Variants in HERC1 observed in about 807,000 individuals in gnomAD.
HERC1 encodes HECT and RLD domain containing E3 ubiquitin protein ligase family member 1.
HERC1 carries 160 observed loss-of-function variants against 554.3 expected under a neutral mutation model. The ratio of observed to expected loss-of-function variants is 0.29; its 90% CI spans 0.25 to 0.33. HERC1 has a LOEUF of 0.33. HERC1 is among the 10% of genes least tolerant of loss of function. The pLI is 1.00. For synonymous variants in HERC1, 2,175 were observed against 2,131.7 expected, an observed-to-expected ratio of 1.02 and a Z score of -0.56; for missense variants, 4,919 against 5,918.5, an observed-to-expected ratio of 0.83 and a Z score of 5.54.
intron 65 of HERC1, 31 bp downstream of exon 65, chr15:63,635,930 G>T: frequency 6.2e-7 from 1 of 1,606,518 alleles, no homozygotes; most frequent in African/African-American, 1.3e-5. Context: ...TATTTACAAT[G>T]AAAGGCAAAC....
At chr15:63,816,830 A>T (rs1352456509) in intron 1 of HERC1, among the ~76,000 whole-genome samples, 4 of 152,276 alleles carry the variant, frequency 2.6e-5, no homozygotes, top group Non-Finnish European at 5.9e-5. Context: ...AAGGAATAAT[A>T]GAATTTCACA....
intron 2 of HERC1, among the ~76,000 whole-genome samples, chr15:63,773,981 G>C (rs1038956948): frequency 1.3e-5 from 2 of 152,212 alleles, no homozygotes; most frequent in African/African-American, 2.4e-5. Flanking sequence ...GGTTATGATA[G>C]TCAAATAATT....
intron 12 of HERC1, among the ~76,000 whole-genome samples, chr15:63,737,660 G>A (rs186310989): frequency 1.0e-4 from 15 of 150,288 alleles, no homozygotes; most frequent in Admixed American, 6.0e-4. Flanking sequence ...GATTACAGGC[G>A]TGAGCCACTG....
chr15:63,731,818 G>C (rs1200121486), intron 14 of HERC1, among the ~76,000 whole-genome samples: 1 of 152,190 alleles, frequency 6.6e-6, no homozygotes, highest in Non-Finnish European at 1.5e-5. Flanking sequence ...GAGATGTGTA[G>C]CTATATGCAT....
chr15:63,645,112 T>C lies in HERC1; in HGVS notation c.11079-15A>G. 1 of 1,605,970 alleles carries C rather than the reference T, an allele frequency of 6.2e-7. No individual in the cohort carries two copies. ...TCTGACAGCCACTTAAAAAAATTGA[T>C]CACATAAAACCAAAACATGTCAATA... On this transcript the variant is annotated splice_polypyrimidine_tract_variant and intron_variant, in intron 56 of 77. Transcript: ENST00000443617.
At chr15:63,747,122 A>G in intron 11 of HERC1, 39 bp from the exon 12 acceptor site, 3 of 1,561,454 alleles carry the variant, frequency 1.9e-6, no homozygotes, top group Non-Finnish European at 2.6e-6. Context: ...TCGGATCATA[A>G]AAGTGCCTGT....
intron 74 of HERC1, among the ~76,000 whole-genome samples, chr15:63,620,788 T>TC (rs2068041886): frequency 1.3e-5 from 2 of 152,142 alleles, no homozygotes; most frequent in Non-Finnish European, 2.9e-5. Context: ...TGGTTTAAAG[T>TC]TGTTTTATCA....
At chr15:63,670,276 T>C (rs559167224) in intron 39 of HERC1, among the ~76,000 whole-genome samples, 1 of 152,248 alleles carries the variant, frequency 6.6e-6, no homozygotes, top group Admixed American at 6.5e-5. Flanking sequence ...CCTTCTCCGA[T>C]GAGAATGTGG....
At position 63,612,310 on chromosome 15, in the gene HERC1, G is replaced by A; in HGVS notation, c.14341C>T (p.Arg4781Ter). The change falls in exon 77 of 78, where the codon CGA becomes TGA. Residue 4781 changes from arginine to a stop codon, truncating the protein, a stop_gained. Transcript: ENST00000443617. LOFTEE classifies it high-confidence loss of function. The surrounding 1 kb of genome is among the most constrained non-coding windows in gnomAD (Gnocchi z 5.0). ...LFMRFVSGRS[R>*]LPANTADISQ... ...ATGTCAGCAGTGTTGGCTGGTAGTC[G>A]AGATCTTCCTGACACAAACCTCATG... 2 of 1,613,738 alleles carry A rather than the reference G, an allele frequency of 1.2e-6. No homozygotes were observed. Among genetic ancestry groups the A allele is most frequent in the Non-Finnish European group, 1.7e-6 (2 of 1,179,688 alleles).
chr15:63,806,123 T>TC (rs1413443944), intron 1 of HERC1, among the ~76,000 whole-genome samples: 1 of 151,832 alleles, frequency 6.6e-6, no homozygotes. Context: ...TACAGATACC[T>TC]CCCAAATCAC....
At chr15:63,821,726 C>CAAAAAAAAAAAAAAAAAA (rs35074987) in intron 1 of HERC1, among the ~76,000 whole-genome samples, 5 of 62,470 alleles carry the variant, frequency 8.0e-5, no homozygotes, top group African/African-American at 2.1e-4. Flanking sequence ...TACCCTGTCT[C>CAAAAAAAAAAAAAAAAAA]AAAAAAAAAA....
chr15:63,772,000 T>TA (rs2075970282), intron 2 of HERC1, among the ~76,000 whole-genome samples: 1 of 152,036 alleles, frequency 6.6e-6, no homozygotes, highest in Non-Finnish European at 1.5e-5. Context: ...CAGGTGCCTG[T>TA]AGTCCCAGTT....
chr15:63,742,170 T>C (rs2074838245), intron 12 of HERC1, among the ~76,000 whole-genome samples: 1 of 152,242 alleles, frequency 6.6e-6, no homozygotes. Context: ...TTCAATAATG[T>C]TTTGTTCCTT....
chr15:63,735,383 G>A (rs555581845), intron 12 of HERC1, among the ~76,000 whole-genome samples: 45 of 124,666 alleles, frequency 3.6e-4, no homozygotes, highest in East Asian at 5.7e-4. Context: ...ATCACACACC[G>A]GGGCCTGTTG....
chr15:63,697,187 A>AT lies in HERC1; in HGVS notation c.4906-849dup, dbSNP rs564713627. On this transcript the variant is annotated intron_variant, in intron 26 of 77. Coordinates refer to ENST00000443617, the MANE Select transcript of HERC1 (RefSeq NM_003922.4). ...CATAATGTTCATTTCCTTTTCCAGGATTTAATCCTAGATACCACATTGCAT... is the reference window on the plus strand; with the variant it reads ...CATAATGTTCATTTCCTTTTCCAGGATTTTAATCCTAGATACCACATTGCAT... Among the ~76,000 whole-genome samples the AT allele has an allele frequency of 3.6e-3, 552 of 152,218 alleles. 5 individuals are homozygous for AT. Among genetic ancestry groups the AT allele is most frequent in the Non-Finnish European group, 3.5e-3 (237 of 68,012 alleles).
At chr15:63,618,315 A>G (rs1832007774) in intron 74 of HERC1, among the ~76,000 whole-genome samples, 1 of 152,050 alleles carries the variant, frequency 6.6e-6, no homozygotes, top group Non-Finnish European at 1.5e-5. Flanking sequence ...ATAGTTGTAG[A>G]TATGCGGCAT....
At position 63,677,764 on chromosome 15, in the gene HERC1, T is replaced by C; in HGVS notation, c.7070+81A>G. On this transcript the variant is annotated intron_variant, in intron 37 of 77. Transcript: ENST00000443617. The surrounding 1 kb of genome is among the most constrained non-coding windows in gnomAD (Gnocchi z 4.4). ...TAACTGGCAGCTCACCTAAAATACA[T>C]AATTACTCACTGTCGACAGGCAATG... 6.6e-7 allele frequency: 1 copy of C among 1,524,150 alleles called. No individual in the cohort carries two copies. The highest frequency in any genetic ancestry group is 2.3e-5 in the East Asian group (1 of 44,078). The allele number at this position is 1,524,150 out of a possible 1,614,324, so 94.4% of individuals were successfully genotyped here. A position where few individuals can be genotyped will look rare whatever the true frequency, so the allele number is the denominator to read the frequency against.
intron 71 of HERC1, 25 bp downstream of exon 71, chr15:63,625,960 G>A (rs780926289): frequency 1.3e-5 from 20 of 1,592,282 alleles, no homozygotes; most frequent in Admixed American, 1.1e-4. Context: ...TCTGTGCCTG[G>A]CTGCTTACCA....
intron 8 of HERC1, among the ~76,000 whole-genome samples, chr15:63,751,337 T>C (rs2075237705): frequency 6.6e-6 from 1 of 152,238 alleles, no homozygotes; most frequent in South Asian, 2.1e-4. Flanking sequence ...CAATAGGCTA[T>C]ACCATATAGT....
Sources: gnomAD v4.1 joint callset for allele counts (sites outside exome capture counted in the v4.1 genomes callset) on GRCh38, gnomAD v4.1.1 for gene constraint, Gnocchi (gnomAD v3.1) non-coding constraint, MANE v1.5 for transcripts, NCBI Gene and HGNC (gene_info 2026-07-23, HGNC 2026-07-21) for gene names.